Variants in KIF11 observed in about 807,000 individuals in gnomAD.
The protein encoded by KIF11 is kinesin-like protein KIF11.
KIF11 carries 9 observed loss-of-function variants against 121.0 expected under a neutral mutation model. The ratio of observed to expected loss-of-function variants is 0.07; its 90% CI spans 0.04 to 0.13. The LOEUF (loss-of-function observed/expected upper bound fraction) is 0.13, where lower values mean the gene tolerates loss of function less well. Ranked by LOEUF, KIF11 falls within the 10% of genes least tolerant of loss-of-function variation. The probability of loss-of-function intolerance (pLI) is 1.00; values close to 1 mark genes in which losing one functional copy is unlikely to be tolerated. For missense variants in KIF11, 846 were observed against 1,217.5 expected, an observed-to-expected ratio of 0.69 and a Z score of 4.54; for synonymous variants, 408 against 421.0, an observed-to-expected ratio of 0.97 and a Z score of 0.38.
chr10:92,626,092 G>A lies in KIF11; in HGVS notation c.1218-2716G>A, dbSNP rs189799072. 2.7e-3 allele frequency among the ~76,000 whole-genome samples: 410 copies of A among 152,288 alleles called. 3 individuals carry two copies. The highest frequency in any genetic ancestry group is 4.8e-3 in the Non-Finnish European group (328 of 68,024). On this transcript the variant is annotated intron_variant, in intron 10 of 21. Transcript: ENST00000260731. Reference sequence around the variant, plus strand: ...ACTATTGTAAAATTCATGTGGAACTGGAAAAGAGCCCAAATAGCCAAAGCA... The same window carrying A: ...ACTATTGTAAAATTCATGTGGAACTAGAAAAGAGCCCAAATAGCCAAAGCA...
At chr10:92,615,699 G>A (rs117291880) in intron 8 of KIF11, among the ~76,000 whole-genome samples, 1 of 151,934 alleles carries the variant, frequency 6.6e-6, no homozygotes, top group African/African-American at 2.4e-5. Flanking sequence ...TCATATAAAT[G>A]GAATTACGTA....
chr10:92,614,067 T>C (rs113220030), intron 8 of KIF11, among the ~76,000 whole-genome samples: 5,287 of 112,582 alleles, frequency 0.047, 147 homozygotes, highest in Middle Eastern at 0.073. Context: ...CACACACACA[T>C]ATAGTAGGGA....
intron 9 of KIF11, 97 bp downstream of exon 9, chr10:92,616,929 A>G (rs1844563460): frequency 3.0e-6 from 2 of 677,784 alleles, no homozygotes; most frequent in Non-Finnish European, 5.0e-6. Flanking sequence ...GATTTGTTAA[A>G]TTGCCCATGG....
chr10:92,610,378 TA>T (rs1471934084), intron 6 of KIF11, among the ~76,000 whole-genome samples: 1 of 152,196 alleles, frequency 6.6e-6, no homozygotes, highest in Non-Finnish European at 1.5e-5. Context: ...AATTCCTTTT[TA>T]AAAAATTGTT....
intron 2 of KIF11, 92 bp from the exon 3 acceptor site, chr10:92,606,527 C>T: frequency 8.9e-7 from 1 of 1,125,718 alleles, no homozygotes. Context: ...TTCTAGTGGG[C>T]TGAATTATGA....
chr10:92,609,656 G>C, intron 6 of KIF11, 147 bp downstream of exon 6: 2 of 655,224 alleles, frequency 3.1e-6, no homozygotes. Context: ...TAATTGGCTT[G>C]AGATTTATAT....
chr10:92,621,524 C>T, intron 10 of KIF11, 51 bp downstream of exon 10: 5 of 1,103,848 alleles, frequency 4.5e-6, no homozygotes, highest in Middle Eastern at 2.0e-4. Context: ...TTTCTGATAA[C>T]AGGCTATTTG....
intron 10 of KIF11, among the ~76,000 whole-genome samples, chr10:92,627,662 G>T (rs1446366553): frequency 1.3e-5 from 2 of 151,818 alleles, no homozygotes; most frequent in Admixed American, 6.6e-5. Context: ...GTGATTTTTG[G>T]CTGGCAATTA....
rs1368961711 is a variant in KIF11 at position 92,654,782 on chromosome 10, C to T, written c.*986C>T. The T allele has an allele frequency of 6.6e-6, 1 of 152,296 alleles. No homozygotes were observed. Among genetic ancestry groups the T allele is most frequent in the Non-Finnish European group, 1.5e-5 (1 of 68,002 alleles). The allele number at this position is 152,296 out of a possible 1,614,324, so 9.4% of individuals were successfully genotyped here. On this transcript the variant is annotated 3_prime_UTR_variant, in exon 22 of 22. Transcript: ENST00000260731. ...CCTTTAAGAGGCCTAACTCATTCAC[C>T]CTGACAGAGTTCACAAAAAGCCCAC...
chr10:92,628,107 A>T (rs1467978219), intron 10 of KIF11, among the ~76,000 whole-genome samples: 1 of 152,174 alleles, frequency 6.6e-6, no homozygotes, highest in Admixed American at 6.5e-5. Context: ...GGCAGAGTCC[A>T]GTGACATTTT....
intron 17 of KIF11, among the ~76,000 whole-genome samples, chr10:92,640,481 G>C (rs552252820): frequency 1.5e-3 from 224 of 152,350 alleles, no homozygotes; most frequent in Non-Finnish European, 2.4e-3. Context: ...ACCCAGGCTG[G>C]AGTGCAGTGG....
Position 92,606,692 on chromosome 10 carries a change from T to C in KIF11, c.284T>C (p.Met95Thr). The C allele has an allele frequency of 6.5e-7, 1 of 1,547,952 alleles. No homozygotes were observed. The highest frequency in any genetic ancestry group is 8.9e-7 in the Non-Finnish European group (1 of 1,119,836). Residue 95 changes from methionine to threonine, a missense_variant, in exon 3 of 22, where the codon ATG becomes ACG. This residue lies in a region of KIF11 where 140 missense variants were observed against 193.5 expected (regional missense o/e 0.72). Coordinates refer to ENST00000260731, the MANE Select transcript of KIF11 (RefSeq NM_004523.4). Reference protein sequence around the residue: ...VVCPILDEVIMGYNCTIFAYG... With the variant: ...VVCPILDEVITGYNCTIFAYG... ...TGTCCAATTCTGGATGAAGTTATTA[T>C]GGGCTATAATTGCACTATCTTTGCG...
At chr10:92,625,266 CAATT>C (rs1342886524) in intron 10 of KIF11, among the ~76,000 whole-genome samples, 1 of 151,830 alleles carries the variant, frequency 6.6e-6, no homozygotes, top group Non-Finnish European at 1.5e-5. Flanking sequence ...ATTTCTCTAA[CAATT>C]AATGGTGTTA....
intron 18 of KIF11, 91 bp from the exon 19 acceptor site, chr10:92,648,121 A>AG (rs2135924680): frequency 1.1e-6 from 1 of 945,338 alleles, no homozygotes; most frequent in African/African-American, 1.8e-5. Flanking sequence ...AAAAAAAAAA[A>AG]ATTATGGAAA....
At position 92,633,759 on chromosome 10, in the gene KIF11, A is replaced by G; in HGVS notation, c.1839A>G (p.Leu613=). 1.3e-6 allele frequency: 2 copies of G among 1,594,798 alleles called. No homozygotes were observed. Among genetic ancestry groups the G allele is most frequent in the Non-Finnish European group, 1.7e-6 (2 of 1,165,116 alleles). The change falls in exon 14 of 22, where the codon TTA becomes TTG. Residue 613 remains leucine (L), a synonymous_variant. Coordinates refer to ENST00000260731, the MANE Select transcript of KIF11 (RefSeq NM_004523.4). ...IFNMILKEQS[L]AAESKTVLQE... The stretch of plus-strand genomic sequence containing the variant: ...ATATGATACTAAAAGAACAATCATT[A>G]GCAGCAGAAAGTAAAACTGTACTAC...
chr10:92,593,343 C>G lies in KIF11; in HGVS notation c.-33C>G, dbSNP rs1426227533. The G allele has an allele frequency of 1.9e-6, 3 of 1,586,484 alleles. No homozygotes were observed. The African/African-American group carries it at 4.0e-5, about 21-fold the overall frequency. On this transcript the variant is annotated 5_prime_UTR_variant, in exon 1 of 22. Coordinates refer to ENST00000260731, the MANE Select transcript of KIF11 (RefSeq NM_004523.4). The stretch of plus-strand genomic sequence containing the variant: ...CCGCCCCTCACAGCGCCCAGGTCCG[C>G]GGCCGGGCCTTGATTTTTTGGCGGG...
At position 92,624,888 on chromosome 10, in the gene KIF11, G is replaced by A. The variant is rs185774437; in HGVS notation, c.1217+3415G>A. Among the ~76,000 whole-genome samples, 22 of 150,446 alleles carry A rather than the reference G, an allele frequency of 1.5e-4. No individual in the cohort carries two copies. In the East Asian group the frequency reaches 2.2e-3, roughly 15 times the overall value. On this transcript the variant is annotated intron_variant, in intron 10 of 21. Coordinates refer to ENST00000260731, the MANE Select transcript of KIF11 (RefSeq NM_004523.4). ...AGGTTCAAGCAAGTCTCCTACCTCC[G>A]CCTCCCAAGTATCTGGGATTATAGG...
In KIF11 at chr10:92,609,196, C is replaced by T; in HGVS notation, c.564C>T (p.Pro188=). The T allele has an allele frequency of 1.3e-6, 2 of 1,565,918 alleles. No individual in the cohort carries two copies. Among genetic ancestry groups the T allele is most frequent in the Non-Finnish European group, 1.7e-6 (2 of 1,156,526 alleles). Residue 188 remains proline, a synonymous_variant, in exon 5 of 22, where the codon CCC becomes CCT. Transcript: ENST00000260731. ...VSERLQMFDD[P]RNKRGVIIKG... The stretch of plus-strand genomic sequence containing the variant: ...AGAGACTACAGATGTTTGATGATCC[C>T]CGTAACAAGGTAATTCAGTCTTTGA...
chr10:92,606,027 C>T (rs1042102586), intron 1 of KIF11, among the ~76,000 whole-genome samples: 1 of 152,128 alleles, frequency 6.6e-6, no homozygotes, highest in Non-Finnish European at 1.5e-5. Flanking sequence ...TAAGAAGCTG[C>T]CAGAATTGTA....
Sources: gnomAD v4.1 joint callset for allele counts (sites outside exome capture counted in the v4.1 genomes callset) on GRCh38, gnomAD v4.1.1 for gene constraint, gnomAD v4.1.1 regional missense constraint, MANE v1.5 for transcripts, NCBI Gene and HGNC (gene_info 2026-07-23, HGNC 2026-07-21) for gene names.